CSMD1: variants seen among roughly 807,000 people sequenced by gnomAD.
CSMD1 encodes the protein CUB and Sushi multiple domains 1.
A neutral mutation model predicts 417.5 loss-of-function variants in CSMD1; 213 were observed. That is an observed-to-expected ratio of 0.51 (90% CI 0.46 to 0.57). The LOEUF is 0.57. CSMD1 is among the 20% of genes least tolerant of loss of function. The pLI is 0.00. For synonymous variants in CSMD1, 2,862 were observed against 1,736.8 expected, an observed-to-expected ratio of 1.65 and a Z score of -16.11; for missense variants, 6,923 against 4,529.7, an observed-to-expected ratio of 1.53 and a Z score of -15.17.
At position 3,090,032 on chromosome 8, in the gene CSMD1, G is replaced by C. The variant is rs184754383; in HGVS notation, c.7285+1484C>G. Among the ~76,000 whole-genome samples the C allele has an allele frequency of 4.4e-4, 67 of 152,044 alleles. No individual in the cohort carries two copies. In the East Asian group the frequency reaches 9.1e-3, roughly 21 times the overall value. ...AAACACCTTTAAGAGTCTGACTATC[G>C]GCCGGGCGCGGTGGCTTAACGCCTG... is the stretch of plus-strand genomic sequence containing the variant. On this transcript the variant is annotated intron_variant, in intron 48 of 69. Transcript: ENST00000635120.
At chr8:4,368,843 T>A (rs570733934) in intron 3 of CSMD1, among the ~76,000 whole-genome samples, 1 of 152,116 alleles carries the variant, frequency 6.6e-6, no homozygotes, top group Non-Finnish European at 1.5e-5. Context: ...TTTATTTGGG[T>A]CTTCTTAAAA....
intron 2 of CSMD1, among the ~76,000 whole-genome samples, chr8:4,423,837 A>G (rs1797395083): frequency 6.6e-6 from 1 of 152,118 alleles, no homozygotes; most frequent in South Asian, 2.1e-4. Context: ...AACGGTTAAG[A>G]CTATTTGGTA....
chr8:3,053,216 T>C (rs568856161), intron 49 of CSMD1, among the ~76,000 whole-genome samples: 24 of 152,348 alleles, frequency 1.6e-4, no homozygotes, highest in South Asian at 8.3e-4. Flanking sequence ...AAGATAAGAC[T>C]GACCACTCTC....
chr8:4,124,172 G>T (rs1802637169), intron 3 of CSMD1, among the ~76,000 whole-genome samples: 1 of 152,140 alleles, frequency 6.6e-6, no homozygotes, highest in South Asian at 2.1e-4. Flanking sequence ...GAGGCGCAGG[G>T]GAGGAAGTGG....
intron 12 of CSMD1, among the ~76,000 whole-genome samples, chr8:3,455,062 T>G (rs905586479): frequency 6.6e-6 from 1 of 152,246 alleles, no homozygotes; most frequent in Non-Finnish European, 1.5e-5. Context: ...TTCATTCATT[T>G]GATCTTCCAT....
chr8:3,716,774 G>A (rs116748640), intron 6 of CSMD1, among the ~76,000 whole-genome samples: 8,890 of 152,102 alleles, frequency 0.058, 297 homozygotes, highest in South Asian at 0.075. Flanking sequence ...TTGACAATAT[G>A]GTTCAACTTT....
intron 12 of CSMD1, among the ~76,000 whole-genome samples, chr8:3,444,107 G>A (rs1053233560): frequency 1.3e-5 from 2 of 152,036 alleles, no homozygotes; most frequent in Non-Finnish European, 2.9e-5. Context: ...ACTCCCTATC[G>A]AGTGAAAGGG....
chr8:4,398,095 A>G (rs966051969), intron 3 of CSMD1, among the ~76,000 whole-genome samples: 2 of 152,170 alleles, frequency 1.3e-5, no homozygotes, highest in African/African-American at 4.8e-5. Flanking sequence ...AGGAAGAGAT[A>G]TGCCATCTTT....
At chr8:4,431,734 G>A (rs900972012) in intron 2 of CSMD1, among the ~76,000 whole-genome samples, 4 of 152,130 alleles carry the variant, frequency 2.6e-5, no homozygotes, top group Non-Finnish European at 4.4e-5. Context: ...ATCAATTGTT[G>A]TTCTAACAAT....
At chr8:3,149,376 A>G (rs1419355425) in intron 40 of CSMD1, among the ~76,000 whole-genome samples, 1 of 152,240 alleles carries the variant, frequency 6.6e-6, no homozygotes, top group African/African-American at 2.4e-5. Context: ...AATACAAAAT[A>G]CAACTGGGTG....
intron 1 of CSMD1, among the ~76,000 whole-genome samples, chr8:4,940,098 C>G (rs1013708950): frequency 6.6e-6 from 1 of 152,060 alleles, no homozygotes; most frequent in Non-Finnish European, 1.5e-5. Context: ...TGTGAACTAC[C>G]GGGGGCTGCT....
At position 2,935,627 on chromosome 8, in the gene CSMD1, C is replaced by T. The variant is rs1462174003; in HGVS notation, c.*2958G>A. The T allele has an allele frequency of 1.3e-5, 2 of 152,112 alleles. No homozygotes were observed. Among genetic ancestry groups the T allele is most frequent in the Non-Finnish European group, 2.9e-5 (2 of 68,022 alleles). The allele number at this position is 152,112 out of a possible 1,614,324, so 9.4% of individuals were successfully genotyped here. A position where few individuals can be genotyped will look rare whatever the true frequency, so the allele number is the denominator to read the frequency against. On this transcript the variant is annotated 3_prime_UTR_variant, in exon 70 of 70. Transcript: ENST00000635120. ...TGTACCTACATTAATCAAAAAATTA[C>T]AGCATATTTAATAATTTTACAAATT... is the stretch of plus-strand genomic sequence containing the variant.
At chr8:4,353,968 A>C (rs1801250226) in intron 3 of CSMD1, among the ~76,000 whole-genome samples, 1 of 152,140 alleles carries the variant, frequency 6.6e-6, no homozygotes, top group Non-Finnish European at 1.5e-5. Flanking sequence ...CTATGATGAT[A>C]TATTGTTTCA....
chr8:2,954,152 A>T, intron 65 of CSMD1, 72 bp downstream of exon 65: 1 of 728,060 alleles, frequency 1.4e-6, no homozygotes, highest in Non-Finnish European at 2.1e-6. Context: ...TGTTGAAAAT[A>T]GTTTCACTGT....
At chr8:4,944,008 A>C (rs1055637328) in intron 1 of CSMD1, among the ~76,000 whole-genome samples, 1 of 152,178 alleles carries the variant, frequency 6.6e-6, no homozygotes, top group African/African-American at 2.4e-5. Context: ...TGAGTAGTAA[A>C]AAAGACTTGG....
At chr8:3,412,367 G>C (rs1812866061) in intron 12 of CSMD1, among the ~76,000 whole-genome samples, 1 of 152,034 alleles carries the variant, frequency 6.6e-6, no homozygotes, top group East Asian at 1.9e-4. Flanking sequence ...GGCAATGTTT[G>C]TAGAAGTGAC....
intron 41 of CSMD1, among the ~76,000 whole-genome samples, chr8:3,124,566 A>T (rs1456988601): frequency 6.6e-6 from 1 of 152,186 alleles, no homozygotes; most frequent in Non-Finnish European, 1.5e-5. Context: ...TGTCTGGGAT[A>T]AGGGGAGAGT....
At chr8:4,482,249 T>C (rs528960975) in intron 2 of CSMD1, among the ~76,000 whole-genome samples, 58 of 152,230 alleles carry the variant, frequency 3.8e-4, no homozygotes, top group Non-Finnish European at 5.9e-4. Context: ...CCTTCTCCCA[T>C]CCTCCACCCT....
intron 3 of CSMD1, among the ~76,000 whole-genome samples, chr8:4,127,926 G>A (rs1322460141): frequency 6.6e-6 from 1 of 152,146 alleles, no homozygotes; most frequent in Non-Finnish European, 1.5e-5. Flanking sequence ...TCCAGAGCAT[G>A]CACAGTTAAA....
Sources: allele counts gnomAD v4.1 joint callset (sites outside exome capture counted in the v4.1 genomes callset), GRCh38; gene constraint gnomAD v4.1.1; transcripts MANE v1.5; gene names NCBI Gene and HGNC (gene_info 2026-07-23, HGNC 2026-07-21).